CHUK: variants seen among roughly 807,000 people sequenced by gnomAD.
The protein encoded by CHUK is inhibitor of nuclear factor kappa-B kinase subunit alpha.
Under a neutral mutation model 104.8 loss-of-function variants are expected in CHUK, and 35 were observed. The observed-to-expected ratio is 0.33, with a 90% CI of 0.26 to 0.44. CHUK has a LOEUF of 0.44. CHUK is among the 20% of genes least tolerant of loss of function. The pLI is 1.00. For synonymous variants in CHUK, 276 were observed against 291.9 expected, an observed-to-expected ratio of 0.95 and a Z score of 0.56; for missense variants, 663 against 902.7, an observed-to-expected ratio of 0.73 and a Z score of 3.40.
At chr10:100,192,827 C>T (rs1299901577) in intron 19 of CHUK, 2 of 741,888 alleles carry the variant, frequency 2.7e-6, no homozygotes, top group African/African-American at 1.9e-5. Flanking sequence ...CTTAGAAATA[C>T]AAAGTTATAA....
At chr10:100,218,902 A>G (rs1376561723) in intron 7 of CHUK, 77 bp from the exon 8 acceptor site, 1 of 1,521,226 alleles carries the variant, frequency 6.6e-7, no homozygotes, top group Non-Finnish European at 9.1e-7. Flanking sequence ...ATTATATTTA[A>G]TTGTATATTT....
Position 100,198,324 on chromosome 10 carries a change from C to T in CHUK, c.1729+1647G>A, listed in dbSNP as rs546652417. Among the ~76,000 whole-genome samples, 36 of 152,286 alleles carry T rather than the reference C, an allele frequency of 2.4e-4. 1 individual carries two copies. The highest frequency in any genetic ancestry group is 2.2e-4 in the Non-Finnish European group (15 of 68,036). On this transcript the variant is annotated intron_variant, in intron 16 of 20. Transcript: ENST00000370397. ...AACACTTTATGAGTACTTCCCATTT[C>T]ATCACACAAAATATTAAAAACCCAT...
chr10:100,204,629 A>C lies in CHUK; in HGVS notation c.1384T>G (p.Leu462Val), dbSNP rs1039222765. 6.2e-7 allele frequency: 1 copy of C among 1,612,360 alleles called. No individual in the cohort carries two copies. The highest frequency in any genetic ancestry group is 8.5e-7 in the Non-Finnish European group (1 of 1,178,758). The part of the protein sequence containing the change: ...MLSLLRYNAN[L>V]TKMKNTLISA... ...ATCAAAGTGTTCTTCATTTTTGTTA[A>C]GTTAGCATTATATCTAAGAAGACTT... The change falls in exon 13 of 21, where the codon TTA (leucine) becomes GTA (valine). Residue 462 changes from leucine to valine, a missense_variant. Leu to Val is a conservative substitution (Grantham distance 32, BLOSUM62 1). Coordinates refer to ENST00000370397, the MANE Select transcript of CHUK (RefSeq NM_001278.5).
At chr10:100,219,230 CTA>C in intron 6 of CHUK, 38 bp downstream of exon 6, 3 of 1,540,406 alleles carry the variant, frequency 1.9e-6, no homozygotes, top group Non-Finnish European at 2.7e-6. Flanking sequence ...TAAGAGAATC[CTA>C]TACACACTTA....
intron 12 of CHUK, 48 bp downstream of exon 12, chr10:100,205,028 T>C: frequency 4.4e-6 from 7 of 1,608,566 alleles, no homozygotes; most frequent in African/African-American, 1.3e-5. Context: ...AATTCTTGAG[T>C]ATATGATGCA....
intron 19 of CHUK, 29 bp downstream of exon 19, chr10:100,193,269 A>G: frequency 1.2e-6 from 2 of 1,612,574 alleles, no homozygotes; most frequent in East Asian, 4.5e-5. Context: ...ATGAAAACAC[A>G]GCTATCTATT....
intron 15 of CHUK, 65 bp downstream of exon 15, chr10:100,200,606 G>C (rs1215668436): frequency 1.2e-6 from 1 of 832,608 alleles, no homozygotes; most frequent in African/African-American, 1.7e-5. Context: ...TAATTTGCCA[G>C]ATGTAAGCAG....
chr10:100,207,176 CAA>C, intron 11 of CHUK, 52 bp downstream of exon 11: 1 of 861,600 alleles, frequency 1.2e-6, no homozygotes, highest in East Asian at 2.4e-5. Context: ...TACTGAGAGT[CAA>C]AGTTATATTA....
intron 19 of CHUK, chr10:100,192,384 A>T: frequency 6.5e-6 from 1 of 152,790 alleles, no homozygotes; most frequent in Non-Finnish European, 1.5e-5. Context: ...TTGTAGGTGT[A>T]CTGCATTGGG....
At chr10:100,214,688 T>C (rs1030740485) in intron 9 of CHUK, among the ~76,000 whole-genome samples, 5 of 152,230 alleles carry the variant, frequency 3.3e-5, no homozygotes, top group African/African-American at 4.8e-5. Context: ...TAAGTTGATA[T>C]GAAACCAAGA....
At chr10:100,209,549 C>G (rs1420359135) in intron 10 of CHUK, 46 bp downstream of exon 10, 1 of 1,214,896 alleles carries the variant, frequency 8.2e-7, no homozygotes, top group Non-Finnish European at 1.2e-6. Context: ...CACGCAATCC[C>G]TCTAGATTTC....
chr10:100,211,641 T>G lies in CHUK; in HGVS notation c.934-1852A>C, dbSNP rs368165059. ...AACATGTCCTCCAGGTTCATCCACA[T>G]TGTCCTAAATGGCAGAATTTCCTTC... On this transcript the variant is annotated intron_variant, in intron 9 of 20. Coordinates refer to ENST00000370397, the MANE Select transcript of CHUK (RefSeq NM_001278.5). Among the ~76,000 whole-genome samples, 5 of 152,212 alleles carry G rather than the reference T, an allele frequency of 3.3e-5. No individual in the cohort carries two copies. The East Asian group carries it at 7.7e-4, about 23-fold the overall frequency.
chr10:100,228,596 C>CA (rs1476316326), intron 1 of CHUK, among the ~76,000 whole-genome samples: 1 of 152,162 alleles, frequency 6.6e-6, no homozygotes, highest in African/African-American at 2.4e-5. Flanking sequence ...GAGGAGGCTG[C>CA]AGTGAGCCGA....
At chr10:100,225,479 T>C (rs1370177321) in intron 2 of CHUK, among the ~76,000 whole-genome samples, 2 of 152,234 alleles carry the variant, frequency 1.3e-5, no homozygotes, top group Admixed American at 6.5e-5. Flanking sequence ...ATATACCACA[T>C]TTTGTTTATA....
chr10:100,186,364 G>A (rs1844994233), downstream of CHUK: 1 of 256,816 alleles, frequency 3.9e-6, no homozygotes, highest in African/African-American at 2.2e-5. Context: ...TGTATGCGGA[G>A]CCCCACTGTG....
rs368532966 is a variant in CHUK, at chr10:100,226,371, A to C, written c.106-354T>G. ...AATCAAGACAACTAATATGTGCCCC[A>C]GCTTCTAGCATAACTAAAATGAAGA... On this transcript the variant is annotated intron_variant, in intron 1 of 20. Coordinates refer to ENST00000370397, the MANE Select transcript of CHUK (RefSeq NM_001278.5). 1.1e-3 allele frequency among the ~76,000 whole-genome samples: 172 copies of C among 152,324 alleles called. 1 individual carries two copies. The highest frequency in any genetic ancestry group is 4.1e-3 in the African/African-American group (170 of 41,574).
chr10:100,220,721 A>T, intron 4 of CHUK, 45 bp from the exon 5 acceptor site: 1 of 1,298,160 alleles, frequency 7.7e-7, no homozygotes, highest in Non-Finnish European at 1.1e-6. Context: ...GAAATCATTG[A>T]GTTAAAAGAA....
intron 2 of CHUK, among the ~76,000 whole-genome samples, chr10:100,225,170 T>C (rs1846077461): frequency 6.6e-6 from 1 of 152,192 alleles, no homozygotes; most frequent in Non-Finnish European, 1.5e-5. Context: ...ACTTTCACAA[T>C]GTTTTGCTAC....
downstream of CHUK, chr10:100,186,755 G>T (rs973873767): frequency 6.6e-6 from 1 of 152,206 alleles, no homozygotes; most frequent in Non-Finnish European, 1.5e-5. Context: ...AAAAGGGAAG[G>T]AAAAAGGTAT....
Sources: gnomAD v4.1 joint callset for allele counts (sites outside exome capture counted in the v4.1 genomes callset) on GRCh38, gnomAD v4.1.1 for gene constraint, MANE v1.5 for transcripts, NCBI Gene and HGNC (gene_info 2026-07-23, HGNC 2026-07-21) for gene names.